CCDC83: variants seen among roughly 807,000 people sequenced by gnomAD.
CCDC83 encodes coiled-coil domain-containing protein 83.
A neutral mutation model predicts 50.1 loss-of-function variants in CCDC83; 54 were observed. That is an observed-to-expected ratio of 1.08 (90% CI 0.87 to 1.35). The LOEUF is 1.35. Among genes scored for constraint, CCDC83 ranks in the 40% most tolerant of loss-of-function variants. The probability of loss-of-function intolerance (pLI) is 0.00; values close to 1 mark genes in which losing one functional copy is unlikely to be tolerated. For missense variants in CCDC83, 518 were observed against 473.9 expected (o/e 1.09, Z -0.86); for synonymous variants, 161 against 153.3 (o/e 1.05, Z -0.37).
chr11:85,871,930 T>C (rs564282936), intron 2 of CCDC83, among the ~76,000 whole-genome samples: 1 of 152,320 alleles, frequency 6.6e-6, no homozygotes, highest in African/African-American at 2.4e-5. Flanking sequence ...TGATACAAGA[T>C]ATACTATAAA....
intron 7 of CCDC83, among the ~76,000 whole-genome samples, chr11:85,909,832 TTTC>T (rs1374583555): frequency 2.0e-5 from 3 of 152,088 alleles, no homozygotes; most frequent in Non-Finnish European, 4.4e-5. Context: ...CCACATTATT[TTTC>T]TTCTTCTTTT....
At chr11:85,882,076 G>C (rs903119858) in intron 3 of CCDC83, among the ~76,000 whole-genome samples, 1 of 151,930 alleles carries the variant, frequency 6.6e-6, no homozygotes, top group African/African-American at 2.4e-5. Context: ...CACTTTGAGA[G>C]GTCAAGGGAG....
chr11:85,890,173 G>T (rs1175335010), intron 5 of CCDC83, among the ~76,000 whole-genome samples: 1 of 152,200 alleles, frequency 6.6e-6, no homozygotes, highest in African/African-American at 2.4e-5. Context: ...GGGCATTCAG[G>T]TCTAGTTTAT....
intron 6 of CCDC83, among the ~76,000 whole-genome samples, chr11:85,897,347 T>A (rs2093380288): frequency 6.6e-6 from 1 of 152,234 alleles, no homozygotes; most frequent in African/African-American, 2.4e-5. Context: ...TTCAGATCAC[T>A]GCTCCTAATC....
At chr11:85,887,564 A>G (rs1250821853) in intron 5 of CCDC83, among the ~76,000 whole-genome samples, 1 of 152,196 alleles carries the variant, frequency 6.6e-6, no homozygotes, top group Non-Finnish European at 1.5e-5. Flanking sequence ...TTCTGAAAAG[A>G]GAACAAGAGT....
chr11:85,875,671 T>C (rs2093265206), intron 3 of CCDC83, among the ~76,000 whole-genome samples: 1 of 152,262 alleles, frequency 6.6e-6, no homozygotes, highest in Non-Finnish European at 1.5e-5. Flanking sequence ...TAAATATTTG[T>C]TGAGTTGATT....
intron 7 of CCDC83, among the ~76,000 whole-genome samples, chr11:85,901,923 C>G (rs2093404343): frequency 6.6e-6 from 1 of 151,928 alleles, no homozygotes; most frequent in South Asian, 2.1e-4. Context: ...CTCAGCTACT[C>G]AGGAGGCTGG....
chr11:85,877,132 A>G (rs987519407), intron 3 of CCDC83, among the ~76,000 whole-genome samples: 2 of 152,224 alleles, frequency 1.3e-5, no homozygotes, highest in Non-Finnish European at 2.9e-5. Flanking sequence ...GGAAATTAAT[A>G]TAGATGATAT....
chr11:85,885,543 TG>T (rs2093322780), intron 4 of CCDC83, among the ~76,000 whole-genome samples: 1 of 152,244 alleles, frequency 6.6e-6, no homozygotes, highest in African/African-American at 2.4e-5. Flanking sequence ...GCCTAAAGAT[TG>T]AATAGAATAT....
At chr11:85,903,217 A>G (rs2093410159) in intron 7 of CCDC83, among the ~76,000 whole-genome samples, 1 of 152,138 alleles carries the variant, frequency 6.6e-6, no homozygotes, top group African/African-American at 2.4e-5. Flanking sequence ...TGGGTGGCAG[A>G]GCAATCTAAA....
At chr11:85,896,521 T>C (rs2093376720) in intron 6 of CCDC83, among the ~76,000 whole-genome samples, 1 of 151,982 alleles carries the variant, frequency 6.6e-6, no homozygotes, top group South Asian at 2.1e-4. Context: ...GATTTCAGAT[T>C]CTCAGATTTT....
intron 2 of CCDC83, among the ~76,000 whole-genome samples, chr11:85,871,811 CTGTTTT>C (rs2093239275): frequency 6.6e-6 from 1 of 151,996 alleles, no homozygotes; most frequent in Non-Finnish European, 1.5e-5. Flanking sequence ...TACTATATTT[CTGTTTT>C]TGTTTTATTT....
chr11:85,895,360 C>T lies in CCDC83; in HGVS notation c.579C>T (p.Asp193=), dbSNP rs767831424. The T allele has an allele frequency of 7.0e-6, 11 of 1,569,066 alleles. No homozygotes were observed. Among genetic ancestry groups the T allele is most frequent in the Admixed American group, 1.8e-5 (1 of 56,322 alleles). The change falls in exon 6 of 11, where the codon GAC becomes GAT. Residue 193 remains aspartate (D), a synonymous_variant. Transcript: ENST00000342404. ...KIIKETLLQL[D]QKKEWATQNA... ...TCAAGGAAACTTTGTTGCAACTGGA[C>T]CAAAAGAAGGAATGGGCCACACAGG...
intron 6 of CCDC83, among the ~76,000 whole-genome samples, chr11:85,896,367 C>CAAA (rs1565149044): frequency 7.5e-6 from 1 of 132,910 alleles, no homozygotes; most frequent in African/African-American, 2.8e-5. Context: ...CGCCACTGCA[C>CAAA]TCCAGCATGG....
chr11:85,881,262 A>C (rs542386369), intron 3 of CCDC83, among the ~76,000 whole-genome samples: 2 of 151,944 alleles, frequency 1.3e-5, no homozygotes, highest in East Asian at 3.9e-4. Context: ...AATCCCAGCT[A>C]CTTGGGAGGC....
intron 1 of CCDC83, among the ~76,000 whole-genome samples, chr11:85,859,543 C>A (rs1592130842): frequency 6.6e-6 from 1 of 152,178 alleles, no homozygotes; most frequent in South Asian, 2.1e-4. Flanking sequence ...GGTTTTGTGA[C>A]AGAGTCAATG....
intron 5 of CCDC83, among the ~76,000 whole-genome samples, chr11:85,892,408 G>A (rs1490852072): frequency 6.6e-6 from 1 of 152,184 alleles, no homozygotes; most frequent in Non-Finnish European, 1.5e-5. Context: ...GGCTAACAAT[G>A]AGATTCTCAC....
chr11:85,887,789 G>A (rs1257100422), intron 5 of CCDC83, among the ~76,000 whole-genome samples: 1 of 142,680 alleles, frequency 7.0e-6, no homozygotes, highest in Non-Finnish European at 1.5e-5. Context: ...GTGGTTGCAT[G>A]GTTTTATTGT....
intron 10 of CCDC83, among the ~76,000 whole-genome samples, chr11:85,917,245 G>GAAAGAAA (rs2093486116): frequency 1.5e-5 from 2 of 137,930 alleles, no homozygotes; most frequent in Non-Finnish European, 3.2e-5. Flanking sequence ...GAAAGAAAGA[G>GAAAGAAA]GGAAGGAGGA....
Sources: gnomAD v4.1 joint callset for allele counts (sites outside exome capture counted in the v4.1 genomes callset) on GRCh38, gnomAD v4.1.1 for gene constraint, MANE v1.5 for transcripts, NCBI Gene and HGNC (gene_info 2026-07-23, HGNC 2026-07-21) for gene names.